Variants in SLC38A10 observed in about 807,000 individuals in gnomAD.
SLC38A10 encodes the protein solute carrier family 38 member 10.
Under a neutral mutation model 81.0 loss-of-function variants are expected in SLC38A10, and 53 were observed. The ratio of observed to expected loss-of-function variants is 0.65; its 90% CI spans 0.53 to 0.82. The LOEUF is 0.82. Among genes scored for constraint, SLC38A10 ranks in the 40% least tolerant of loss-of-function variants. SLC38A10 has a pLI of 0.00. For synonymous variants in SLC38A10, 665 were observed against 655.3 expected (o/e 1.01, Z -0.23); for missense variants, 1,471 against 1,545.0 (o/e 0.95, Z 0.80).
intron 3 of SLC38A10, 56 bp downstream of exon 3, chr17:81,284,794 C>A: frequency 7.1e-7 from 1 of 1,405,502 alleles, no homozygotes; most frequent in East Asian, 2.8e-5. Flanking sequence ...CCGGGAGGGT[C>A]CCCAGTGTCT....
At position 81,252,452 on chromosome 17, in the gene SLC38A10, T is replaced by C. The variant is rs757243526; in HGVS notation, c.1688A>G (p.Gln563Arg). ...EQGEVGKRPG[Q>R]AQALEEAGDL... is the part of the protein sequence containing the mutation. The stretch of plus-strand genomic sequence containing the variant: ...ACCCGCCTCCTCCAAGGCCTGGGCC[T>C]GTCCAGGCCTCTTCCCAACCTCTCC... Residue 563 changes from glutamine (Q) to arginine (R), a missense_variant, in exon 13 of 16, where the codon CAG (glutamine) becomes CGG (arginine). This residue lies in a region of SLC38A10 where 720 missense variants were observed against 827.7 expected (regional missense o/e 0.87). Coordinates refer to ENST00000374759, the MANE Select transcript of SLC38A10 (RefSeq NM_001037984.3). The C allele has an allele frequency of 6.2e-7, 1 of 1,613,258 alleles. No homozygotes were observed. The highest frequency in any genetic ancestry group is 8.5e-7 in the Non-Finnish European group (1 of 1,179,978).
At chr17:81,263,159 G>C (rs1268729114) in intron 10 of SLC38A10, 2 of 152,238 alleles carry the variant, frequency 1.3e-5, no homozygotes, top group African/African-American at 4.8e-5. Flanking sequence ...AGTACCTGGG[G>C]ACCGAACTCA....
intron 9 of SLC38A10, among the ~76,000 whole-genome samples, chr17:81,271,748 ATTTTTTTTTTT>A (rs756214430): frequency 5.0e-5 from 6 of 121,150 alleles, no homozygotes; most frequent in African/African-American, 1.9e-4. Context: ...AAGCTGACAG[ATTTTTTTTTTT>A]TTTTTTTTTT....
Position 81,283,949 on chromosome 17 carries a change from C to T in SLC38A10, c.264-447G>A, listed in dbSNP as rs986033542. On this transcript the variant is annotated intron_variant, in intron 3 of 15. Transcript: ENST00000374759. The surrounding 1 kb of genome is among the most constrained non-coding windows in gnomAD (Gnocchi z 4.7). The stretch of plus-strand genomic sequence containing the variant: ...CAAACGCGCCCCAGTTCACAGGGCG[C>T]GGGCAGGTTCTGTGGCGCTCGCTAT... Among the ~76,000 whole-genome samples, 5 of 151,840 alleles carry T rather than the reference C, an allele frequency of 3.3e-5. No homozygotes were observed. Among genetic ancestry groups the T allele is most frequent in the African/African-American group, 4.8e-5 (2 of 41,358 alleles).
At chr17:81,249,360 G>C (rs761513646) in intron 14 of SLC38A10, among the ~76,000 whole-genome samples, 33 of 626 alleles carry the variant, frequency 0.053, 3 homozygotes, top group Non-Finnish European at 0.13. Context: ...GGAAGAGGAG[G>C]AGGAGGGAGG....
intron 1 of SLC38A10, among the ~76,000 whole-genome samples, chr17:81,290,230 T>C (rs1023520846): frequency 3.9e-5 from 6 of 152,240 alleles, no homozygotes; most frequent in South Asian, 2.1e-4. Context: ...ACACTTACTG[T>C]GTGACCTGGG....
intron 10 of SLC38A10, chr17:81,264,669 C>T (rs2063054638): frequency 1.3e-5 from 2 of 152,208 alleles, no homozygotes; most frequent in African/African-American, 4.8e-5. Flanking sequence ...CCATAAAAAG[C>T]ACAGCTGGAG....
At chr17:81,275,656 C>T (rs376031705) in intron 8 of SLC38A10, among the ~76,000 whole-genome samples, 5 of 140,576 alleles carry the variant, frequency 3.6e-5, no homozygotes, top group African/African-American at 1.1e-4. Context: ...GGCGTGAACC[C>T]GGGAGGCGGA....
chr17:81,291,546 A>G (rs996380821), intron 1 of SLC38A10, among the ~76,000 whole-genome samples: 13 of 151,570 alleles, frequency 8.6e-5, no homozygotes, highest in Non-Finnish European at 1.8e-4. Context: ...ATCACCAAGC[A>G]CTCATCAGAA....
intron 14 of SLC38A10, among the ~76,000 whole-genome samples, chr17:81,247,855 GAAAAGA>G (rs2062867788): frequency 1.4e-5 from 2 of 144,676 alleles, no homozygotes; most frequent in South Asian, 4.8e-4. Flanking sequence ...AAGAAAAAAA[GAAAAGA>G]AAAACTGTAA....
At chr17:81,255,974 T>TC (rs1157506069) in intron 11 of SLC38A10, among the ~76,000 whole-genome samples, 3 of 151,428 alleles carry the variant, frequency 2.0e-5, no homozygotes, top group South Asian at 2.1e-4. Context: ...AGAGCGAGAC[T>TC]CCATCTCAAA....
At chr17:81,255,436 G>A (rs970142420) in intron 11 of SLC38A10, among the ~76,000 whole-genome samples, 4 of 152,212 alleles carry the variant, frequency 2.6e-5, no homozygotes, top group Admixed American at 6.5e-5. Flanking sequence ...GCTGCCAGCC[G>A]CTTCCACTCT....
rs778115178 is a variant in SLC38A10 at position 81,245,687 on chromosome 17, G to A, written c.3229C>T (p.Leu1077=). ...AGGTCGTTCACCTGGACATCAGGCA[G>A]GGGGTTAAGGCCAATGATGACCCCA... ...RDGVIIGLNP[L]PDVQVNDLRG... The change falls in exon 16 of 16, where the codon CTG becomes TTG. Residue 1077 remains leucine (L), a synonymous_variant. Transcript: ENST00000374759. 6.3e-7 allele frequency: 1 copy of A among 1,595,256 alleles called. No individual in the cohort carries two copies. Among genetic ancestry groups the A allele is most frequent in the Admixed American group, 1.7e-5 (1 of 57,628 alleles).
At chr17:81,290,287 G>A (rs904512444) in intron 1 of SLC38A10, among the ~76,000 whole-genome samples, 2 of 152,168 alleles carry the variant, frequency 1.3e-5, no homozygotes, top group South Asian at 2.1e-4. Context: ...GAATGAAAAC[G>A]TGTTCATGAA....
rs751015240 is a variant in SLC38A10, at chr17:81,245,723, C to A, written c.3193G>T (p.Ala1065Ser). 2 of 1,598,200 alleles carry A rather than the reference C, an allele frequency of 1.3e-6. No homozygotes were observed. The highest frequency in any genetic ancestry group is 1.7e-6 in the Non-Finnish European group (2 of 1,168,962). Residue 1065 changes from alanine (A) to serine (S), a missense_variant, in exon 16 of 16, where the codon GCC becomes TCC. This residue lies in a region of SLC38A10 where 751 missense variants were observed against 717.4 expected (regional missense o/e 1.05). Transcript: ENST00000374759. ...CCAATGATGACCCCATCCCTCGGGG[C>A]CAGCTGACCCTCTGCATGAGGGCCA... ...DLGPHAEGQL[A>S]PRDGVIIGLN...
Position 81,272,504 on chromosome 17 carries a change from C to T in SLC38A10, c.1024+12G>A. 6.3e-7 allele frequency: 1 copy of T among 1,575,830 alleles called. No homozygotes were observed. The highest frequency in any genetic ancestry group is 8.6e-7 in the Non-Finnish European group (1 of 1,162,612). On this transcript the variant is annotated intron_variant, in intron 9 of 15. Coordinates refer to ENST00000374759, the MANE Select transcript of SLC38A10 (RefSeq NM_001037984.3). ...CCCACTCCCCGGCAACAGGGCAGCC[C>T]TCCCGCCTTACCGTTGGGGATAAGG...
rs1281918808 is a variant in SLC38A10 at position 81,289,766 on chromosome 17, A to G, written c.142T>C (p.Trp48Arg). The G allele has an allele frequency of 1.2e-6, 2 of 1,610,220 alleles. No individual in the cohort carries two copies. Among genetic ancestry groups the G allele is most frequent in the East Asian group, 2.2e-5 (1 of 44,714 alleles). The change falls in exon 2 of 16, where the codon TGG becomes CGG. Residue 48 changes from tryptophan (W) to arginine (R), a missense_variant. By Grantham distance (101) the Trp-to-Arg change is moderately radical. Coordinates refer to ENST00000374759, the MANE Select transcript of SLC38A10 (RefSeq NM_001037984.3). The surrounding 1 kb of genome is among the most constrained non-coding windows in gnomAD (Gnocchi z 5.9). ...LGALLLVFCS[W>R]MTHQSCMFLV... ...AACATGCACGACTGGTGCGTCATCC[A>G]TGAGCAGAAGACCAAGAGCAGCGCC... is the stretch of plus-strand genomic sequence containing the variant.
intron 10 of SLC38A10, among the ~76,000 whole-genome samples, chr17:81,262,495 G>A (rs1308691529): frequency 2.0e-5 from 3 of 152,232 alleles, no homozygotes; most frequent in East Asian, 1.9e-4. Flanking sequence ...CTAACTGGGC[G>A]TGTGCTAAGT....
At position 81,253,742 on chromosome 17, in the gene SLC38A10, C is replaced by CCAA. The variant is rs1289908658; in HGVS notation, c.1289-503_1289-502insTTG. On this transcript the variant is annotated intron_variant, in intron 11 of 15. Transcript: ENST00000374759. The surrounding 1 kb of genome is among the most constrained non-coding windows in gnomAD (Gnocchi z 4.1). ...ATCATCACCATCTCCATCCCTACCA[C>CCAA]CATCACCATCATCATCACCGTCACC... Among the ~76,000 whole-genome samples, 2 of 74,020 alleles carry CCAA rather than the reference C, an allele frequency of 2.7e-5. No homozygotes were observed. Among genetic ancestry groups the CCAA allele is most frequent in the Admixed American group, 1.2e-4 (1 of 8,244 alleles). 48.6% of individuals were successfully genotyped at this position (74,020 alleles called of 152,430 possible). A position where few individuals can be genotyped will look rare whatever the true frequency, so the allele number is the denominator to read the frequency against.
Sources: allele counts gnomAD v4.1 joint callset (sites outside exome capture counted in the v4.1 genomes callset), GRCh38; gene constraint gnomAD v4.1.1; regional missense constraint gnomAD v4.1.1; non-coding constraint Gnocchi (gnomAD v3.1); transcripts MANE v1.5; gene names NCBI Gene and HGNC (gene_info 2026-07-23, HGNC 2026-07-21).